PTPRD: variants seen among roughly 807,000 people sequenced by gnomAD.
The protein encoded by PTPRD is receptor-type tyrosine-protein phosphatase delta.
Under a neutral mutation model 214.5 loss-of-function variants are expected in PTPRD, and 34 were observed. The ratio of observed to expected loss-of-function variants is 0.16; its 90% CI spans 0.12 to 0.21. The LOEUF is 0.21. Among genes scored for constraint, PTPRD ranks in the 10% least tolerant of loss-of-function variants. The pLI is 1.00. For synonymous variants in PTPRD, 1,128 were observed against 845.7 expected, an observed-to-expected ratio of 1.33 and a Z score of -5.79; for missense variants, 2,545 against 2,398.7, an observed-to-expected ratio of 1.06 and a Z score of -1.27.
intron 5 of PTPRD, among the ~76,000 whole-genome samples, chr9:9,887,102 G>C (rs1219100172): frequency 6.6e-6 from 1 of 151,974 alleles, no homozygotes; most frequent in Non-Finnish European, 1.5e-5. Context: ...CCCATACCTT[G>C]GAAACACAGT....
chr9:8,935,996 G>C (rs1047594996), intron 11 of PTPRD: 1 of 152,070 alleles, frequency 6.6e-6, no homozygotes, highest in African/African-American at 2.4e-5. Flanking sequence ...GGGTGCTCTT[G>C]GCTACATGGC....
chr9:8,652,686 C>G (rs1245002511), intron 12 of PTPRD, among the ~76,000 whole-genome samples: 1 of 152,162 alleles, frequency 6.6e-6, no homozygotes, highest in East Asian at 1.9e-4. Context: ...TTGCACCACT[C>G]TAAAATATGA....
In PTPRD at chr9:8,739,391, TG is replaced by T. The variant is rs551864770; in HGVS notation, c.-103-5446del. ...GATATAACTTTCTTCAGGATAGAAA[TG>T]TTTTTTTATCTGCATTGACTAATAA... On this transcript the variant is annotated intron_variant, in intron 11 of 45. Transcript: ENST00000381196. Among the ~76,000 whole-genome samples, 490 of 152,274 alleles carry T rather than the reference TG, an allele frequency of 3.2e-3. 2 individuals carry two copies. Among genetic ancestry groups the T allele is most frequent in the African/African-American group, 0.011 (464 of 41,544 alleles).
At chr9:8,792,240 C>T (rs2096261150) in intron 11 of PTPRD, among the ~76,000 whole-genome samples, 1 of 152,138 alleles carries the variant, frequency 6.6e-6, no homozygotes, top group Admixed American at 6.5e-5. Flanking sequence ...TATTGTACTA[C>T]AGAGATTGTT....
intron 2 of PTPRD, among the ~76,000 whole-genome samples, chr9:10,429,719 T>C (rs1199653764): frequency 6.7e-6 from 1 of 149,260 alleles, no homozygotes; most frequent in Admixed American, 6.7e-5. Flanking sequence ...TAATGATAGA[T>C]AATGAAGACT....
At chr9:8,724,675 T>C (rs2098538671) in intron 12 of PTPRD, among the ~76,000 whole-genome samples, 1 of 152,136 alleles carries the variant, frequency 6.6e-6, no homozygotes, top group Admixed American at 6.5e-5. Context: ...TTATCATGTC[T>C]GTAATCTCAG....
intron 5 of PTPRD, among the ~76,000 whole-genome samples, chr9:9,903,336 A>T (rs940758443): frequency 2.0e-5 from 3 of 152,166 alleles, no homozygotes; most frequent in Admixed American, 1.3e-4. Context: ...AAAGACCATT[A>T]GCACTCTAAC....
chr9:8,331,136 CCATACTAAGCACT>C (rs1376326369), intron 44 of PTPRD, among the ~76,000 whole-genome samples: 1 of 151,974 alleles, frequency 6.6e-6, no homozygotes, highest in African/African-American at 2.4e-5. Flanking sequence ...AACTGAGGTA[CCATACTAAGCACT>C]TATTGACTGG....
At chr9:8,536,005 C>T (rs958362043) in intron 14 of PTPRD, among the ~76,000 whole-genome samples, 1 of 151,808 alleles carries the variant, frequency 6.6e-6, no homozygotes, top group African/African-American at 2.4e-5. Flanking sequence ...CTCTAAAATA[C>T]AAATATTTGA....
At chr9:10,317,421 T>G (rs2096462859) in intron 3 of PTPRD, among the ~76,000 whole-genome samples, 1 of 151,960 alleles carries the variant, frequency 6.6e-6, no homozygotes, top group Admixed American at 6.6e-5. Context: ...TTTTCTTTTG[T>G]CAAACAAATT....
chr9:10,281,459 T>C (rs1442222410), intron 3 of PTPRD, among the ~76,000 whole-genome samples: 1 of 152,208 alleles, frequency 6.6e-6, no homozygotes, highest in Admixed American at 6.5e-5. Flanking sequence ...TCTCACCTAA[T>C]ATCCAAAAGC....
chr9:10,076,636 C>A (rs1327153892), intron 3 of PTPRD, among the ~76,000 whole-genome samples: 1 of 152,096 alleles, frequency 6.6e-6, no homozygotes, highest in African/African-American at 2.4e-5. Context: ...CATATATGAG[C>A]CTTGCCTAGG....
intron 11 of PTPRD, among the ~76,000 whole-genome samples, chr9:8,899,842 A>C (rs911219419): frequency 6.6e-6 from 1 of 152,102 alleles, no homozygotes; most frequent in African/African-American, 2.4e-5. Context: ...AAAATGAGAG[A>C]AGTTCATCCG....
chr9:8,658,182 A>T (rs2096952825), intron 12 of PTPRD, among the ~76,000 whole-genome samples: 1 of 152,212 alleles, frequency 6.6e-6, no homozygotes, highest in East Asian at 1.9e-4. Flanking sequence ...ACACCCACAG[A>T]TAACATGTAT....
intron 3 of PTPRD, among the ~76,000 whole-genome samples, chr9:10,210,857 T>G (rs185283519): frequency 7.2e-6 from 1 of 139,082 alleles, no homozygotes; most frequent in African/African-American, 2.6e-5. Flanking sequence ...AAACCACTTC[T>G]TACTCTGCTT....
chr9:10,364,511 C>T (rs1213244000), intron 2 of PTPRD, among the ~76,000 whole-genome samples: 1 of 152,154 alleles, frequency 6.6e-6, no homozygotes, highest in Non-Finnish European at 1.5e-5. Context: ...AATCTGTACT[C>T]CTAACTGCTG....
intron 3 of PTPRD, among the ~76,000 whole-genome samples, chr9:10,340,029 C>A (rs1268535241): frequency 6.6e-6 from 1 of 151,644 alleles, no homozygotes; most frequent in Non-Finnish European, 1.5e-5. Context: ...TCATACTCTC[C>A]TCTCTAAAGA....
chr9:9,217,590 A>G (rs912096836), intron 9 of PTPRD, among the ~76,000 whole-genome samples: 11 of 152,142 alleles, frequency 7.2e-5, no homozygotes, highest in Non-Finnish European at 1.6e-4. Context: ...CTATCTTCCT[A>G]AGACACAAAC....
chr9:9,386,433 T>C (rs1026837733), intron 9 of PTPRD, among the ~76,000 whole-genome samples: 6 of 152,054 alleles, frequency 3.9e-5, no homozygotes, highest in African/African-American at 1.4e-4. Context: ...AGAGTGAGGG[T>C]AGATCCCGGT....
Sources: allele counts gnomAD v4.1 joint callset (sites outside exome capture counted in the v4.1 genomes callset), GRCh38; gene constraint gnomAD v4.1.1; transcripts MANE v1.5; gene names NCBI Gene and HGNC (gene_info 2026-07-23, HGNC 2026-07-21).